SLC12A2: variants seen among roughly 807,000 people sequenced by gnomAD.
SLC12A2 encodes the protein solute carrier family 12 member 2.
SLC12A2 carries 67 observed loss-of-function variants against 136.3 expected under a neutral mutation model. The ratio of observed to expected loss-of-function variants is 0.49; its 90% CI spans 0.40 to 0.60. The LOEUF (loss-of-function observed/expected upper bound fraction) is 0.60. SLC12A2 is among the 20% of genes least tolerant of loss of function. The pLI, the probability that SLC12A2 is intolerant of heterozygous loss-of-function variation, is 0.00. For synonymous variants in SLC12A2, 619 were observed against 562.9 expected, an observed-to-expected ratio of 1.10 and a Z score of -1.41; for missense variants, 1,322 against 1,534.7, an observed-to-expected ratio of 0.86 and a Z score of 2.32.
intron 18 of SLC12A2, chr5:128,169,056 C>A (rs1763290320): frequency 6.6e-6 from 1 of 151,770 alleles, no homozygotes; most frequent in Non-Finnish European, 1.5e-5. Context: ...TCTTCTTAAT[C>A]TTGAAAAGTA....
At chr5:128,166,017 T>C (rs1309345441) in intron 17 of SLC12A2, among the ~76,000 whole-genome samples, 2 of 150,952 alleles carry the variant, frequency 1.3e-5, no homozygotes, top group East Asian at 3.9e-4. Flanking sequence ...CAAAGGTCCT[T>C]TTAGTATTGA....
At chr5:128,128,053 T>A (rs1196119053) in intron 4 of SLC12A2, among the ~76,000 whole-genome samples, 1 of 152,216 alleles carries the variant, frequency 6.6e-6, no homozygotes, top group East Asian at 1.9e-4. Flanking sequence ...ATCAAATCAG[T>A]TCAAAATACT....
At chr5:128,171,839 T>C in intron 19 of SLC12A2, 93 bp downstream of exon 19, 1 of 751,306 alleles carries the variant, frequency 1.3e-6, no homozygotes, top group Non-Finnish European at 2.2e-6. Context: ...CTTCGTTACT[T>C]TTAATAATTA....
intron 4 of SLC12A2, among the ~76,000 whole-genome samples, chr5:128,125,132 A>T (rs1425516131): frequency 2.6e-5 from 4 of 152,186 alleles, no homozygotes; most frequent in Admixed American, 2.0e-4. Flanking sequence ...TTTCCAAAGG[A>T]TTTTAACTCT....
intron 1 of SLC12A2, among the ~76,000 whole-genome samples, chr5:128,088,107 T>G (rs534518688): frequency 6.6e-6 from 1 of 151,704 alleles, no homozygotes; most frequent in South Asian, 2.1e-4. Flanking sequence ...GGTCATGGAC[T>G]AAATTACTTA....
In SLC12A2 at chr5:128,148,838, A is replaced by C; in HGVS notation, c.1966A>C (p.Ile656Leu). 1 of 1,605,274 alleles carries C rather than the reference A, an allele frequency of 6.2e-7. No individual in the cohort carries two copies. Among genetic ancestry groups the C allele is most frequent in the Non-Finnish European group, 8.5e-7 (1 of 1,176,300 alleles). The change falls in exon 12 of 27, where the codon ATC (isoleucine) becomes CTC (leucine). Residue 656 changes from isoleucine (I) to leucine (L), a missense_variant. Coordinates refer to ENST00000262461, the MANE Select transcript of SLC12A2 (RefSeq NM_001046.3). ...AAATAATGAACCTCTTCGTGGCTACATCTTAACATTCTTAATTGCACTTGG... is the reference window on the plus strand; with the variant it reads ...AAATAATGAACCTCTTCGTGGCTACCTCTTAACATTCTTAATTGCACTTGG... ...GKNNEPLRGYILTFLIALGFI... is the reference protein window; with the variant it reads ...GKNNEPLRGYLLTFLIALGFI...
In SLC12A2 at chr5:128,188,575, G is replaced by A. The variant is rs1375348765; in HGVS notation, c.*1944G>A. 3.9e-5 allele frequency: 6 copies of A among 152,062 alleles called. No homozygotes were observed. The highest frequency in any genetic ancestry group is 3.4e-3 in the Middle Eastern group (1 of 294). 9.4% of individuals were successfully genotyped at this position (152,062 alleles called of 1,614,324 possible). A position where few individuals can be genotyped will look rare whatever the true frequency, so the allele number is the denominator to read the frequency against. On this transcript the variant is annotated 3_prime_UTR_variant, in exon 27 of 27. Transcript: ENST00000262461. The stretch of plus-strand genomic sequence containing the variant: ...CCCAGAGTGCTGGGATTACAGGTGC[G>A]AGCCACTGCGCCTGGCTGGTTTTCA...
chr5:128,186,891 C>A lies in SLC12A2; in HGVS notation c.*260C>A. The A allele has an allele frequency of 3.1e-6, 1 of 320,678 alleles. No homozygotes were observed. Among genetic ancestry groups the A allele is most frequent in the Non-Finnish European group, 5.7e-6 (1 of 174,348 alleles). 19.9% of individuals were successfully genotyped at this position (320,678 alleles called of 1,614,324 possible). Reference sequence around the variant, plus strand: ...TTGTGAGAGTAGTTTTCCTTTGCTACTTGAATAGCAATAAAAGCGTGTTAA... The same window carrying A: ...TTGTGAGAGTAGTTTTCCTTTGCTAATTGAATAGCAATAAAAGCGTGTTAA... On this transcript the variant is annotated 3_prime_UTR_variant, in exon 27 of 27. Transcript: ENST00000262461.
At position 128,186,955 on chromosome 5, in the gene SLC12A2, C is replaced by T. The variant is rs188896180; in HGVS notation, c.*324C>T. ...GAAAGAAGTACAAAAAGCCTTTAGCCTTGAGGTGCCTTCTGAAATTAACCA... is the reference window on the plus strand; with the variant it reads ...GAAAGAAGTACAAAAAGCCTTTAGCTTTGAGGTGCCTTCTGAAATTAACCA... On this transcript the variant is annotated 3_prime_UTR_variant, in exon 27 of 27. Coordinates refer to ENST00000262461, the MANE Select transcript of SLC12A2 (RefSeq NM_001046.3). 107 of 188,624 alleles carry T rather than the reference C, an allele frequency of 5.7e-4. No individual in the cohort carries two copies. The highest frequency in any genetic ancestry group is 9.6e-4 in the Non-Finnish European group (88 of 91,260). 11.7% of individuals were successfully genotyped at this position (188,624 alleles called of 1,614,324 possible).
chr5:128,132,636 T>G (rs1762062758), intron 5 of SLC12A2, among the ~76,000 whole-genome samples: 1 of 149,798 alleles, frequency 6.7e-6, no homozygotes, highest in East Asian at 1.9e-4. Context: ...ATTGCTCATG[T>G]TAGGTTAGGT....
chr5:128,085,832 A>C (rs531273399), intron 1 of SLC12A2, among the ~76,000 whole-genome samples: 1 of 152,234 alleles, frequency 6.6e-6, no homozygotes, highest in Non-Finnish European at 1.5e-5. Flanking sequence ...ATTCACACAG[A>C]GGTAATTACA....
intron 22 of SLC12A2, 31 bp from the exon 23 acceptor site, chr5:128,180,852 G>A (rs777268042): frequency 1.6e-6 from 2 of 1,272,910 alleles, no homozygotes; most frequent in South Asian, 1.2e-5. Flanking sequence ...TTTGCATTTA[G>A]TAAATGATTT....
intron 19 of SLC12A2, among the ~76,000 whole-genome samples, chr5:128,173,161 A>C (rs1222917028): frequency 6.6e-6 from 1 of 152,194 alleles, no homozygotes. Flanking sequence ...AAACTGTTTT[A>C]ATCTTCCCTC....
intron 10 of SLC12A2, among the ~76,000 whole-genome samples, chr5:128,143,593 TA>T (rs1561684474): frequency 6.6e-6 from 1 of 152,086 alleles, no homozygotes; most frequent in Non-Finnish European, 1.5e-5. Context: ...GAAAATAAAT[TA>T]CTAAAATTAA....
At chr5:128,151,634 C>T (rs916326645) in intron 14 of SLC12A2, among the ~76,000 whole-genome samples, 4 of 151,442 alleles carry the variant, frequency 2.6e-5, no homozygotes, top group African/African-American at 9.7e-5. Flanking sequence ...CATTCTCACT[C>T]ATAAATTAAA....
intron 16 of SLC12A2, among the ~76,000 whole-genome samples, chr5:128,159,695 T>C (rs540278103): frequency 6.6e-6 from 1 of 152,286 alleles, no homozygotes; most frequent in African/African-American, 2.4e-5. Flanking sequence ...TGAGATGCCA[T>C]CTCACACCAG....
chr5:128,179,516 C>T (rs1763633040), intron 22 of SLC12A2, among the ~76,000 whole-genome samples: 1 of 152,174 alleles, frequency 6.6e-6, no homozygotes, highest in South Asian at 2.1e-4. Context: ...GCTGATGATT[C>T]TGCAGACCAC....
chr5:128,141,712 T>C (rs1762368681), intron 9 of SLC12A2, 118 bp from the exon 10 acceptor site: 3 of 693,024 alleles, frequency 4.3e-6, no homozygotes, highest in Non-Finnish European at 4.4e-6. Context: ...TATGCTATTA[T>C]AAGGGAGTAG....
At chr5:128,146,627 A>T (rs1762533514) in intron 10 of SLC12A2, among the ~76,000 whole-genome samples, 1 of 151,352 alleles carries the variant, frequency 6.6e-6, no homozygotes, top group South Asian at 2.1e-4. Flanking sequence ...TACATTACCC[A>T]GCTTTATCAG....
Sources: gnomAD v4.1 joint callset for allele counts (sites outside exome capture counted in the v4.1 genomes callset) on GRCh38, gnomAD v4.1.1 for gene constraint, MANE v1.5 for transcripts, NCBI Gene and HGNC (gene_info 2026-07-23, HGNC 2026-07-21) for gene names.